BCL11A: variants seen among roughly 807,000 people sequenced by gnomAD.
The protein encoded by BCL11A is B cell CLL/lymphoma 11A.
A neutral mutation model predicts 55.9 loss-of-function variants in BCL11A; 2 were observed. That is an observed-to-expected ratio of 0.04 (90% confidence interval 0.01 to 0.11). The LOEUF (loss-of-function observed/expected upper bound fraction) is 0.11. BCL11A is among the 10% of genes least tolerant of loss of function. The probability of loss-of-function intolerance (pLI) is 1.00; values close to 1 mark genes in which losing one functional copy is unlikely to be tolerated. For missense variants in BCL11A, 817 were observed against 1,137.1 expected, an observed-to-expected ratio of 0.72 and a Z score of 4.05; for synonymous variants, 465 against 473.4, an observed-to-expected ratio of 0.98 and a Z score of 0.23.
At chr2:60,480,142 G>A (rs974605541) in intron 2 of BCL11A, among the ~76,000 whole-genome samples, 3 of 152,228 alleles carry the variant, frequency 2.0e-5, no homozygotes, top group Non-Finnish European at 4.4e-5. Flanking sequence ...GAGGAGGGGG[G>A]AAGGTGGGGG....
intron 3 of BCL11A, among the ~76,000 whole-genome samples, chr2:60,463,985 A>G (rs1676461173): frequency 6.6e-6 from 1 of 152,092 alleles, no homozygotes; most frequent in Non-Finnish European, 1.5e-5. Flanking sequence ...CAATTATATG[A>G]TGCCTCCATT....
intron 3 of BCL11A, among the ~76,000 whole-genome samples, chr2:60,467,996 G>GTAC (rs1363558577): frequency 1.6e-4 from 21 of 129,960 alleles, no homozygotes; most frequent in Non-Finnish European, 3.2e-4. Flanking sequence ...GGTGGTAATG[G>GTAC]TGGTGGTGGT....
chr2:60,454,469 A>G (rs1362492797), downstream of BCL11A, among the ~76,000 whole-genome samples: 1 of 152,164 alleles, frequency 6.6e-6, no homozygotes, highest in East Asian at 1.9e-4. Context: ...GTTGTCTGAA[A>G]AAAAGAGAAT....
intron 2 of BCL11A, among the ~76,000 whole-genome samples, chr2:60,507,866 A>T (rs184608100): frequency 1.5e-3 from 236 of 152,344 alleles, no homozygotes; most frequent in African/African-American, 4.8e-3. Context: ...GTAACAAAGG[A>T]CAGCATACTA....
intron 3 of BCL11A, among the ~76,000 whole-genome samples, chr2:60,467,651 A>G (rs373401703): frequency 1.2e-3 from 30 of 25,134 alleles, no homozygotes; most frequent in South Asian, 4.8e-3. Context: ...GATGGTGGTG[A>G]TGATGGTGAT....
At chr2:60,454,171 C>T (rs953842504), downstream of BCL11A, among the ~76,000 whole-genome samples, 4 of 152,038 alleles carry the variant, frequency 2.6e-5, no homozygotes, top group Non-Finnish European at 4.4e-5. Context: ...AAGTGCAGAC[C>T]GGACAACCCA....
chr2:60,515,622 G>A (rs1245723116), intron 2 of BCL11A, among the ~76,000 whole-genome samples: 7 of 152,192 alleles, frequency 4.6e-5, no homozygotes, highest in Admixed American at 4.6e-4. Context: ...CCACTAGAAG[G>A]AGATACAGAA....
At chr2:60,540,651 A>G (rs1669877545) in intron 2 of BCL11A, among the ~76,000 whole-genome samples, 1 of 152,170 alleles carries the variant, frequency 6.6e-6, no homozygotes, top group Non-Finnish European at 1.5e-5. Flanking sequence ...GTACTCCCAC[A>G]TTAGCCAAAC....
intron 3 of BCL11A, among the ~76,000 whole-genome samples, chr2:60,465,628 T>C (rs537026754): frequency 6.6e-6 from 1 of 152,332 alleles, no homozygotes; most frequent in African/African-American, 2.4e-5. Context: ...GAGGCCTAGC[T>C]CTATTATCCA....
chr2:60,464,550 C>T (rs1244957549), intron 3 of BCL11A, among the ~76,000 whole-genome samples: 1 of 152,164 alleles, frequency 6.6e-6, no homozygotes. Flanking sequence ...AATCCAAGTC[C>T]TTAACACGTT....
downstream of BCL11A, chr2:60,452,594 G>A (rs1265922527): frequency 3.7e-6 from 6 of 1,613,630 alleles, no homozygotes; most frequent in East Asian, 2.2e-5. Flanking sequence ...AAGGGCTCTC[G>A]AGCTTCCATC....
intron 2 of BCL11A, among the ~76,000 whole-genome samples, chr2:60,498,777 G>T (rs1409910108): frequency 1.3e-5 from 2 of 152,210 alleles, no homozygotes; most frequent in Non-Finnish European, 2.9e-5. Flanking sequence ...CAGACTGCCA[G>T]TTCTCTGAGG....
At chr2:60,457,015 T>C (rs1405413350), downstream of BCL11A, among the ~76,000 whole-genome samples, 1 of 152,228 alleles carries the variant, frequency 6.6e-6, no homozygotes, top group Admixed American at 6.5e-5. Context: ...GTCCAGGGTT[T>C]GAGATATGTC....
At chr2:60,524,874 T>C (rs1217532942) in intron 2 of BCL11A, 3 of 152,156 alleles carry the variant, frequency 2.0e-5, no homozygotes, top group Non-Finnish European at 4.4e-5. Flanking sequence ...AACAGAAACA[T>C]CCGTGCTAAA....
chr2:60,478,358 A>C (rs2104125003), intron 2 of BCL11A: 1 of 152,432 alleles, frequency 6.6e-6, no homozygotes, highest in Non-Finnish European at 1.5e-5. Context: ...CCACCTTCTG[A>C]CAAACCCCTC....
Position 60,460,036 on chromosome 2 carries a change from C to T in BCL11A, c.*368G>A. The T allele has an allele frequency of 9.2e-7, 1 of 1,083,136 alleles. No individual in the cohort carries two copies. The highest frequency in any genetic ancestry group is 4.9e-5 in the East Asian group (1 of 20,520). The allele number at this position is 1,083,136 out of a possible 1,614,324, so 67.1% of individuals were successfully genotyped here. On this transcript the variant is annotated 3_prime_UTR_variant, in exon 4 of 4. Coordinates refer to ENST00000642384, the MANE Select transcript of BCL11A (RefSeq NM_022893.4). ...TTTAAAATAGCCATAACATACCATACATGCTGTCTAAGTTTAAAAAAAAAC... is the reference window on the plus strand; with the variant it reads ...TTTAAAATAGCCATAACATACCATATATGCTGTCTAAGTTTAAAAAAAAAC...
downstream of BCL11A, chr2:60,452,223 G>A (rs1428350431): frequency 4.1e-6 from 1 of 246,804 alleles, no homozygotes; most frequent in African/African-American, 2.2e-5. Flanking sequence ...AGAATGTATA[G>A]AAACAAGGGG....
At chr2:60,498,429 C>A (rs372972057) in intron 2 of BCL11A, among the ~76,000 whole-genome samples, 12 of 152,194 alleles carry the variant, frequency 7.9e-5, no homozygotes, top group African/African-American at 2.6e-4. Context: ...CAGAGGGGTC[C>A]CACAAGATCA....
At chr2:60,484,564 C>T (rs2104227799) in intron 2 of BCL11A, 1 of 152,286 alleles carries the variant, frequency 6.6e-6, no homozygotes, top group South Asian at 2.1e-4. Context: ...CCCTCCCTGC[C>T]TTTTAAATAA....
Sources: gnomAD v4.1 joint callset for allele counts (sites outside exome capture counted in the v4.1 genomes callset) on GRCh38, gnomAD v4.1.1 for gene constraint, MANE v1.5 for transcripts, NCBI Gene and HGNC (gene_info 2026-07-23, HGNC 2026-07-21) for gene names.